PACSIN2: variants seen among roughly 807,000 people sequenced by gnomAD.
PACSIN2 encodes protein kinase C and casein kinase substrate in neurons 2.
A neutral mutation model predicts 63.8 loss-of-function variants in PACSIN2; 25 were observed. The ratio of observed to expected loss-of-function variants is 0.39; its 90% CI spans 0.29 to 0.55. The LOEUF (loss-of-function observed/expected upper bound fraction) is 0.55. PACSIN2 is among the 20% of genes least tolerant of loss of function. The pLI is 0.62. For missense variants in PACSIN2, 518 were observed against 646.9 expected, an observed-to-expected ratio of 0.80 and a Z score of 2.16; for synonymous variants, 255 against 256.2, an observed-to-expected ratio of 1.00 and a Z score of 0.05.
chr22:42,990,906 A>C (rs1261716698), intron 1 of PACSIN2, among the ~76,000 whole-genome samples: 1 of 152,170 alleles, frequency 6.6e-6, no homozygotes, highest in Admixed American at 6.5e-5. Context: ...AGCACAGCCC[A>C]AAGACTTCTT....
intron 1 of PACSIN2, among the ~76,000 whole-genome samples, chr22:42,964,678 A>G (rs1246592952): frequency 6.6e-6 from 1 of 152,092 alleles, no homozygotes; most frequent in African/African-American, 2.4e-5. Flanking sequence ...TGAACTTTGC[A>G]TGCCCCAAAC....
chr22:42,908,758 T>A (rs1431354927), intron 2 of PACSIN2, among the ~76,000 whole-genome samples: 2 of 152,136 alleles, frequency 1.3e-5, no homozygotes, highest in African/African-American at 4.8e-5. Flanking sequence ...ACCACACTCA[T>A]TCAGGCTCCA....
chr22:42,914,101 G>A (rs959500409), intron 1 of PACSIN2, among the ~76,000 whole-genome samples: 2 of 152,226 alleles, frequency 1.3e-5, no homozygotes, highest in Non-Finnish European at 2.9e-5. Flanking sequence ...CTCATGGAGA[G>A]AACTCCAGTG....
Position 42,915,054 on chromosome 22 carries a change from A to G in PACSIN2, c.-77-2897T>C, listed in dbSNP as rs886271305. ...AATTAAAAAAAAAATTTATGTGTGG[A>G]AACTGGGGTCTCACTGTTGCCCAGA... On this transcript the variant is annotated intron_variant, in intron 1 of 10. Coordinates refer to ENST00000263246, the MANE Select transcript of PACSIN2 (RefSeq NM_001184970.3). Among the ~76,000 whole-genome samples the G allele has an allele frequency of 2.6e-5, 4 of 152,184 alleles. No individual in the cohort carries two copies. The South Asian group carries it at 8.3e-4, about 32-fold the overall frequency.
chr22:43,011,101 C>T (rs1013465326), intron 1 of PACSIN2, among the ~76,000 whole-genome samples: 14 of 152,214 alleles, frequency 9.2e-5, no homozygotes, highest in African/African-American at 3.4e-4. Context: ...TCCCAAGAAC[C>T]ACCACTGGGA....
chr22:42,997,403 A>G (rs929830622), intron 1 of PACSIN2, among the ~76,000 whole-genome samples: 5 of 152,088 alleles, frequency 3.3e-5, no homozygotes, highest in African/African-American at 9.7e-5. Flanking sequence ...CTAAAAATAG[A>G]AAAAATTAGC....
intron 1 of PACSIN2, among the ~76,000 whole-genome samples, chr22:42,965,305 G>C (rs941975520): frequency 6.6e-6 from 1 of 152,208 alleles, no homozygotes; most frequent in Admixed American, 6.5e-5. Context: ...AGGGACACAA[G>C]GAAATTTTGG....
chr22:42,881,298 C>T (rs1055916885), intron 7 of PACSIN2, among the ~76,000 whole-genome samples: 1 of 152,186 alleles, frequency 6.6e-6, no homozygotes, highest in African/African-American at 2.4e-5. Flanking sequence ...CCCTAACAGC[C>T]CCCGACAGGA....
At chr22:42,932,357 TCTAA>T (rs1601540030) in intron 1 of PACSIN2, among the ~76,000 whole-genome samples, 1 of 152,172 alleles carries the variant, frequency 6.6e-6, no homozygotes, top group East Asian at 1.9e-4. Context: ...CCTGTTACCT[TCTAA>T]CTCTTTTTAT....
At chr22:42,884,671 C>T (rs980925298) in intron 5 of PACSIN2, 110 bp from the exon 6 acceptor site, 2 of 789,488 alleles carry the variant, frequency 2.5e-6, no homozygotes, top group South Asian at 1.8e-5. Flanking sequence ...AAAGAAAAAA[C>T]AGGAGCTCTG....
intron 1 of PACSIN2, among the ~76,000 whole-genome samples, chr22:42,924,759 CTTTTTTT>C (rs112807995): frequency 1.4e-5 from 2 of 142,486 alleles, no homozygotes; most frequent in African/African-American, 5.1e-5. Context: ...GGTTTTTTTT[CTTTTTTT>C]TTTTTTTCGA....
chr22:42,967,842 C>T (rs1236963043), intron 1 of PACSIN2, among the ~76,000 whole-genome samples: 1 of 152,194 alleles, frequency 6.6e-6, no homozygotes, highest in Non-Finnish European at 1.5e-5. Context: ...GAGCCGAGAT[C>T]ACGCCACTGC....
At chr22:42,974,454 A>G (rs1048898486) in intron 1 of PACSIN2, among the ~76,000 whole-genome samples, 3 of 152,192 alleles carry the variant, frequency 2.0e-5, no homozygotes, top group African/African-American at 4.8e-5. Flanking sequence ...ACTGGAGAAC[A>G]GTAGAGGAGA....
intron 1 of PACSIN2, among the ~76,000 whole-genome samples, chr22:42,963,355 A>C (rs1381377303): frequency 1.3e-5 from 2 of 152,188 alleles, no homozygotes; most frequent in Admixed American, 1.3e-4. Flanking sequence ...AAGTTAACTA[A>C]AGACCAGCAG....
At chr22:43,012,997 A>G (rs1298103319) in intron 1 of PACSIN2, among the ~76,000 whole-genome samples, 1 of 151,936 alleles carries the variant, frequency 6.6e-6, no homozygotes, top group East Asian at 1.9e-4. Flanking sequence ...TCACCATGTT[A>G]GCCAGGCTGG....
At chr22:42,879,695 A>T (rs1928928312) in intron 7 of PACSIN2, among the ~76,000 whole-genome samples, 1 of 152,238 alleles carries the variant, frequency 6.6e-6, no homozygotes, top group African/African-American at 2.4e-5. Flanking sequence ...GGGTCAAGAC[A>T]GTTGGCTTCG....
At chr22:43,014,367 A>ACCACC (rs1924727897) in intron 1 of PACSIN2, among the ~76,000 whole-genome samples, 9 of 9,484 alleles carry the variant, frequency 9.5e-4, no homozygotes, top group East Asian at 6.0e-3. Flanking sequence ...CACACACACC[A>ACCACC]CCCCCCCCCC....
At chr22:43,013,600 T>C (rs559299927) in intron 1 of PACSIN2, among the ~76,000 whole-genome samples, 1 of 152,344 alleles carries the variant, frequency 6.6e-6, no homozygotes, top group South Asian at 2.1e-4. Context: ...CAACACTGCC[T>C]GCCTGGTCGG....
intron 1 of PACSIN2, among the ~76,000 whole-genome samples, chr22:43,012,201 A>G (rs1307456608): frequency 7.7e-6 from 1 of 129,304 alleles, no homozygotes; most frequent in African/African-American, 3.0e-5. Context: ...ATACATACAT[A>G]CAAACATACA....
Sources: gnomAD v4.1 joint callset for allele counts (sites outside exome capture counted in the v4.1 genomes callset) on GRCh38, gnomAD v4.1.1 for gene constraint, MANE v1.5 for transcripts, NCBI Gene and HGNC (gene_info 2026-07-23, HGNC 2026-07-21) for gene names.